DEAF1: variants seen among roughly 807,000 people sequenced by gnomAD.
The protein encoded by DEAF1 is deformed epidermal autoregulatory factor 1 homolog.
A neutral mutation model predicts 58.9 loss-of-function variants in DEAF1; 53 were observed. The ratio of observed to expected loss-of-function variants is 0.90; its 90% CI spans 0.72 to 1.13. The LOEUF (loss-of-function observed/expected upper bound fraction) is 1.13. Ranked by LOEUF, DEAF1 falls within the 50% of genes most tolerant of loss-of-function variation. The probability of loss-of-function intolerance (pLI) is 0.00; values close to 1 mark genes in which losing one functional copy is unlikely to be tolerated. For missense variants in DEAF1, 685 were observed against 791.4 expected (o/e 0.87, Z 1.61); for synonymous variants, 385 against 340.4 (o/e 1.13, Z -1.44).
chr11:655,757 C>T (rs1018255228), intron 10 of DEAF1, among the ~76,000 whole-genome samples: 1 of 152,246 alleles, frequency 6.6e-6, no homozygotes, highest in Non-Finnish European at 1.5e-5. Context: ...CAGTCACTCA[C>T]TTCAGAAAAC....
intron 10 of DEAF1, among the ~76,000 whole-genome samples, chr11:655,048 A>AAAACAAAC (rs202011316): frequency 6.6e-5 from 10 of 151,040 alleles, no homozygotes; most frequent in Admixed American, 6.6e-5. Context: ...GACTGTCTCC[A>AAAACAAAC]AAACAAACAA....
intron 9 of DEAF1, among the ~76,000 whole-genome samples, chr11:677,145 TA>T (rs1267141719): frequency 6.6e-6 from 1 of 151,684 alleles, no homozygotes; most frequent in Non-Finnish European, 1.5e-5. Context: ...TTTTTCCAGT[TA>T]ATAGAGATGG....
At position 685,182 on chromosome 11, in the gene DEAF1, G is replaced by A. The variant is rs529398331; in HGVS notation, c.805-219C>T. On this transcript the variant is annotated intron_variant, in intron 5 of 11. Transcript: ENST00000382409. ...TCAGTGCAACCTCTGCCTCCCCGGC[G>A]CAAGCAATTCTCATGCCTCGGCCTC... Among the ~76,000 whole-genome samples the A allele has an allele frequency of 6.0e-5, 9 of 149,366 alleles. No individual in the cohort carries two copies. In the East Asian group the frequency reaches 1.2e-3, roughly 20 times the overall value.
At chr11:696,467 G>T (rs1861167037), upstream of DEAF1, among the ~76,000 whole-genome samples, 1 of 152,174 alleles carries the variant, frequency 6.6e-6, no homozygotes, top group South Asian at 2.1e-4. Flanking sequence ...TTTGTTTTGT[G>T]TATTTTCATT....
At chr11:647,219 G>T (rs989219053) in intron 11 of DEAF1, among the ~76,000 whole-genome samples, 5 of 151,958 alleles carry the variant, frequency 3.3e-5, no homozygotes, top group African/African-American at 1.2e-4. Context: ...ACTTTGGGAG[G>T]CCAAGGCAGG....
At chr11:680,893 A>G (rs1860330483) in intron 7 of DEAF1, 70 bp downstream of exon 7, 4 of 1,604,268 alleles carry the variant, frequency 2.5e-6, no homozygotes, top group Non-Finnish European at 3.4e-6. Context: ...TGGCCGTGGG[A>G]GTGGTGACGA....
chr11:659,268 T>C (rs946038908), intron 10 of DEAF1, among the ~76,000 whole-genome samples: 2 of 149,664 alleles, frequency 1.3e-5, no homozygotes, highest in African/African-American at 4.9e-5. Context: ...CATGGTGGCA[T>C]GCACCTCTTA....
chr11:663,794 GT>G (rs1483539294), intron 10 of DEAF1, among the ~76,000 whole-genome samples: 4 of 152,254 alleles, frequency 2.6e-5, no homozygotes, highest in African/African-American at 9.6e-5. Context: ...CTCCTCAGCA[GT>G]TTTTCTTGCG....
chr11:656,953 G>C (rs1446234218), intron 10 of DEAF1, among the ~76,000 whole-genome samples: 1 of 152,050 alleles, frequency 6.6e-6, no homozygotes, highest in East Asian at 1.9e-4. Flanking sequence ...GCAGTAGCAT[G>C]AACTCATGTT....
upstream of DEAF1, chr11:699,894 G>A: frequency 2.0e-6 from 1 of 511,060 alleles, no homozygotes; most frequent in Non-Finnish European, 3.5e-6. Flanking sequence ...GGCAGGGGCT[G>A]CAGTGCACAG....
intron 5 of DEAF1, among the ~76,000 whole-genome samples, chr11:685,211 A>G (rs376139318): frequency 1.3e-5 from 2 of 149,716 alleles, no homozygotes; most frequent in Non-Finnish European, 3.0e-5. Flanking sequence ...CGGCCTCCCA[A>G]GAAGCTGGGA....
At chr11:654,104 G>T in intron 10 of DEAF1, 53 bp from the exon 11 acceptor site, 1 of 1,509,214 alleles carries the variant, frequency 6.6e-7, no homozygotes. Context: ...GAGAGCCCCT[G>T]AGACACCGGG....
chr11:648,503 C>T (rs898240926), intron 11 of DEAF1, among the ~76,000 whole-genome samples: 1 of 152,082 alleles, frequency 6.6e-6, no homozygotes, highest in Non-Finnish European at 1.5e-5. Flanking sequence ...CTGAAGGCAG[C>T]TTTTTAAAGA....
chr11:666,873 C>CAAAAAGA (rs1859553584), intron 10 of DEAF1, among the ~76,000 whole-genome samples: 1 of 60,252 alleles, frequency 1.7e-5, no homozygotes, highest in Non-Finnish European at 3.1e-5. Flanking sequence ...ACTCTGTCTC[C>CAAAAAGA]AAAAAAAAAA....
chr11:681,645 C>T (rs749195168), intron 6 of DEAF1, among the ~76,000 whole-genome samples: 5 of 152,014 alleles, frequency 3.3e-5, no homozygotes, highest in East Asian at 1.9e-4. Flanking sequence ...CTCCTGACCT[C>T]GTGATCTGCC....
chr11:695,313 G>A, upstream of DEAF1: 1 of 437,732 alleles, frequency 2.3e-6, no homozygotes, highest in Non-Finnish European at 4.0e-6. Flanking sequence ...GTCCTGAACC[G>A]AGGAGGGTCG....
chr11:700,556 A>C, intron 1 of DEAF1: 5 of 1,275,100 alleles, frequency 3.9e-6, no homozygotes, highest in Non-Finnish European at 5.7e-6. Flanking sequence ...AGGCAAGCTG[A>C]GGTGGCTGCT....
At position 679,738 on chromosome 11, in the gene DEAF1, G is replaced by GC. The variant is rs1374580859; in HGVS notation, c.1075dup (p.Ala359GlyfsTer33). Reference sequence around the variant, plus strand: ...CTGGGCCGGACTCTCTGATATGACAGCAGTGGCCTCTACCGTGGACGCTCG... The same window carrying GC: ...CTGGGCCGGACTCTCTGATATGACAGCCAGTGGCCTCTACCGTGGACGCTCG... On this transcript the variant is annotated frameshift_variant, in exon 8 of 12. Transcript: ENST00000382409. LOFTEE classifies it high-confidence loss of function. 6.2e-7 allele frequency: 1 copy of GC among 1,613,802 alleles called. No homozygotes were observed. Among genetic ancestry groups the GC allele is most frequent in the Non-Finnish European group, 8.5e-7 (1 of 1,180,052 alleles).
At chr11:669,218 C>CT (rs1859698029) in intron 10 of DEAF1, among the ~76,000 whole-genome samples, 1 of 148,528 alleles carries the variant, frequency 6.7e-6, no homozygotes, top group Admixed American at 6.9e-5. Flanking sequence ...TCCCAAAGTG[C>CT]TGGGATTACA....
Sources: gnomAD v4.1 joint callset for allele counts (sites outside exome capture counted in the v4.1 genomes callset) on GRCh38, gnomAD v4.1.1 for gene constraint, MANE v1.5 for transcripts, NCBI Gene and HGNC (gene_info 2026-07-23, HGNC 2026-07-21) for gene names.